KCNH1: variants seen among roughly 807,000 people sequenced by gnomAD.
KCNH1 encodes the protein voltage-gated delayed rectifier potassium channel KCNH1.
A neutral mutation model predicts 69.2 loss-of-function variants in KCNH1; 27 were observed. The observed-to-expected ratio is 0.39, with a 90% CI of 0.29 to 0.54. The LOEUF (loss-of-function observed/expected upper bound fraction) is 0.54. Ranked by LOEUF, KCNH1 falls within the 20% of genes least tolerant of loss-of-function variation. The pLI, the probability that KCNH1 is intolerant of heterozygous loss-of-function variation, is 0.68. For missense variants in KCNH1, 798 were observed against 1,261.6 expected, an observed-to-expected ratio of 0.63 and a Z score of 5.57; for synonymous variants, 456 against 487.7, an observed-to-expected ratio of 0.93 and a Z score of 0.86.
At chr1:211,054,118 CAA>C (rs57400570) in intron 5 of KCNH1, among the ~76,000 whole-genome samples, 6 of 131,806 alleles carry the variant, frequency 4.6e-5, no homozygotes, top group African/African-American at 1.1e-4. Flanking sequence ...AAAAATAATA[CAA>C]AAAAAAAAAA....
intron 7 of KCNH1, chr1:210,859,608 A>G (rs1685930590): frequency 7.0e-7 from 1 of 1,421,720 alleles, no homozygotes; most frequent in East Asian, 2.3e-5. Context: ...TTTCATCATC[A>G]TATTCAGCTT....
intron 7 of KCNH1, among the ~76,000 whole-genome samples, chr1:210,862,835 T>C (rs1686008820): frequency 6.6e-6 from 1 of 152,184 alleles, no homozygotes; most frequent in Non-Finnish European, 1.5e-5. Flanking sequence ...TTATCTCAGC[T>C]TAAGGAAGCC....
intron 10 of KCNH1, among the ~76,000 whole-genome samples, chr1:210,748,790 C>T (rs1683219738): frequency 6.6e-6 from 1 of 152,222 alleles, no homozygotes; most frequent in Admixed American, 6.5e-5. Context: ...TCTCACCCCA[C>T]AGCCTCCTGT....
intron 6 of KCNH1, among the ~76,000 whole-genome samples, chr1:210,983,799 T>C (rs1688766645): frequency 6.6e-6 from 1 of 152,310 alleles, no homozygotes; most frequent in African/African-American, 2.4e-5. Flanking sequence ...TTTTTTCCAA[T>C]TCTGTGAAGA....
rs369505764 is a variant in KCNH1, at chr1:210,795,962, AACAC to A, written c.1915+1542_1915+1545del. ...ATGGTGAAACCCCATCTCTACTAAA[AACAC>A]ACACACACACACACACACACACACA... On this transcript the variant is annotated intron_variant, in intron 9 of 10. Transcript: ENST00000271751. 8.3e-3 allele frequency among the ~76,000 whole-genome samples: 1,135 copies of A among 136,060 alleles called. 10 individuals are homozygous for A. The highest frequency in any genetic ancestry group is 0.023 in the African/African-American group (822 of 36,250). 89.3% of individuals were successfully genotyped at this position (136,060 alleles called of 152,430 possible).
intron 5 of KCNH1, among the ~76,000 whole-genome samples, chr1:211,081,714 C>G (rs1424231953): frequency 6.6e-6 from 1 of 152,128 alleles, no homozygotes; most frequent in East Asian, 1.9e-4. Context: ...CAAACTATCA[C>G]AAGGCAGAAA....
At position 211,112,890 on chromosome 1, in the gene KCNH1, C is replaced by T. The variant is rs181522361; in HGVS notation, c.80-5513G>A. Among the ~76,000 whole-genome samples, 312 of 152,276 alleles carry T rather than the reference C, an allele frequency of 2.0e-3. 2 individuals carry two copies. Among genetic ancestry groups the T allele is most frequent in the Middle Eastern group, 6.8e-3 (2 of 294 alleles). On this transcript the variant is annotated intron_variant, in intron 1 of 10. Transcript: ENST00000271751. Reference sequence around the variant, plus strand: ...TCTTCTATTTTAAACCACAAATAATCGACCTGTAAATTACCTTCCAGAACA... The same window carrying T: ...TCTTCTATTTTAAACCACAAATAATTGACCTGTAAATTACCTTCCAGAACA...
At chr1:211,127,181 G>A (rs923007927) in intron 1 of KCNH1, among the ~76,000 whole-genome samples, 53 of 152,140 alleles carry the variant, frequency 3.5e-4, no homozygotes, top group African/African-American at 1.0e-3. Context: ...GAAGTCCATC[G>A]TGCTTATAAA....
intron 6 of KCNH1, among the ~76,000 whole-genome samples, chr1:211,016,562 A>T (rs12074568): frequency 0.43 from 64,842 of 151,844 alleles, 14,990 homozygotes; most frequent in African/African-American, 0.6. Flanking sequence ...TAAGAAAAAA[A>T]TTTCTAAAAA....
intron 1 of KCNH1, among the ~76,000 whole-genome samples, chr1:211,131,855 T>G (rs982793709): frequency 2.6e-5 from 4 of 152,224 alleles, no homozygotes; most frequent in Non-Finnish European, 5.9e-5. Context: ...TTCATTTGAT[T>G]GGTTAATTGA....
intron 6 of KCNH1, among the ~76,000 whole-genome samples, chr1:210,950,375 C>CT (rs397812251): frequency 4.7e-5 from 4 of 84,694 alleles, no homozygotes; most frequent in South Asian, 5.6e-4. Context: ...CCCCCTCCCC[C>CT]ACCCCACAAC....
chr1:210,894,486 G>A (rs1686821057), intron 7 of KCNH1, among the ~76,000 whole-genome samples: 1 of 152,046 alleles, frequency 6.6e-6, no homozygotes, highest in Non-Finnish European at 1.5e-5. Flanking sequence ...CATTCACAAG[G>A]GTTGATTAGT....
At chr1:210,992,406 T>C (rs548906538) in intron 6 of KCNH1, among the ~76,000 whole-genome samples, 1 of 152,306 alleles carries the variant, frequency 6.6e-6, no homozygotes, top group African/African-American at 2.4e-5. Context: ...GAAGAAATTA[T>C]ATTCCCTCTA....
chr1:211,001,260 C>G (rs1351210439), intron 6 of KCNH1, among the ~76,000 whole-genome samples: 1 of 152,150 alleles, frequency 6.6e-6, no homozygotes, highest in Non-Finnish European at 1.5e-5. Flanking sequence ...TTGCAATCTA[C>G]TCATCTGACA....
At chr1:210,804,236 G>C (rs1246089373) in intron 7 of KCNH1, 70 bp from the exon 8 acceptor site, 2 of 1,340,488 alleles carry the variant, frequency 1.5e-6, no homozygotes, top group Non-Finnish European at 2.1e-6. Flanking sequence ...GTTCCAGAAT[G>C]CTCAGCTTGC....
chr1:210,911,802 G>A (rs1687237898), intron 7 of KCNH1, among the ~76,000 whole-genome samples: 1 of 152,072 alleles, frequency 6.6e-6, no homozygotes, highest in Non-Finnish European at 1.5e-5. Context: ...CAAGGATGAT[G>A]TCCTCCCACA....
At chr1:210,709,970 G>A (rs1457468310) in intron 10 of KCNH1, among the ~76,000 whole-genome samples, 1 of 152,230 alleles carries the variant, frequency 6.6e-6, no homozygotes, top group African/African-American at 2.4e-5. Context: ...ATACAGTCAT[G>A]TGTTGCTTAA....
chr1:211,033,942 G>A (rs1023932270), intron 5 of KCNH1, among the ~76,000 whole-genome samples: 1 of 151,852 alleles, frequency 6.6e-6, no homozygotes. Context: ...AACACCAACT[G>A]CTGGTGAGAA....
At chr1:210,985,578 T>G (rs1233102674) in intron 6 of KCNH1, among the ~76,000 whole-genome samples, 1 of 152,236 alleles carries the variant, frequency 6.6e-6, no homozygotes, top group East Asian at 1.9e-4. Flanking sequence ...TCAGTTTCTA[T>G]GTAGTTGAGT....
Sources: gnomAD v4.1 joint callset for allele counts (sites outside exome capture counted in the v4.1 genomes callset) on GRCh38, gnomAD v4.1.1 for gene constraint, MANE v1.5 for transcripts, NCBI Gene and HGNC (gene_info 2026-07-23, HGNC 2026-07-21) for gene names.